The following MAS1 variants were observed in gnomAD, a reference collection of about 807,000 sequenced individuals.
MAS1 encodes the protein proto-oncogene Mas.
For synonymous variants in MAS1, 163 were observed against 164.2 expected (o/e 0.99, Z 0.05); for missense variants, 387 against 409.7 (o/e 0.94, Z 0.48).
chr6:159,903,094 T>G (rs1215837850), intron 2 of MAS1, among the ~76,000 whole-genome samples: 1 of 151,962 alleles, frequency 6.6e-6, no homozygotes, highest in Non-Finnish European at 1.5e-5. Flanking sequence ...AGCCCCCACC[T>G]CCTCCTTCCC....
intron 1 of MAS1, among the ~76,000 whole-genome samples, chr6:159,897,490 A>G (rs1782767445): frequency 6.6e-6 from 1 of 152,134 alleles, no homozygotes; most frequent in South Asian, 2.1e-4. Flanking sequence ...CCTAAACCAT[A>G]ATTTTGAATC....
At chr6:159,897,808 C>A (rs1250625147) in intron 1 of MAS1, among the ~76,000 whole-genome samples, 1 of 151,794 alleles carries the variant, frequency 6.6e-6, no homozygotes, top group East Asian at 1.9e-4. Context: ...GTGGTTTGAT[C>A]AGTCCCTGCG....
rs1782910980 is a variant in MAS1 at position 159,907,660 on chromosome 6, T to C, written c.705T>C (p.Ile235=). ...KLYIVIMVTI[I]IFLIFAMPMR... ...ACATAGTCATCATGGTCACCATCAT[T>C]ATATTCCTCATCTTCGCTATGCCCA... is the stretch of plus-strand genomic sequence containing the variant. Residue 235 remains isoleucine, a synonymous_variant, in exon 3 of 3, where the codon ATT becomes ATC. Coordinates refer to ENST00000674077, the MANE Select transcript of MAS1 (RefSeq NM_002377.4). 4 of 1,613,846 alleles carry C rather than the reference T, an allele frequency of 2.5e-6. No individual in the cohort carries two copies. The highest frequency in any genetic ancestry group is 3.4e-6 in the Non-Finnish European group (4 of 1,179,982).
rs151196309 is a variant in MAS1 at position 159,901,316 on chromosome 6, A to G, written c.-37+1924A>G. Among the ~76,000 whole-genome samples, 94 of 152,326 alleles carry G rather than the reference A, an allele frequency of 6.2e-4. 2 individuals carry two copies. In the East Asian group the frequency reaches 0.015, roughly 24 times the overall value. Reference sequence around the variant, plus strand: ...CCGTCCACAACAGTCAATAAGATAGAATTTTAACTCTGAGGCCAGGCACAG... The same window carrying G: ...CCGTCCACAACAGTCAATAAGATAGGATTTTAACTCTGAGGCCAGGCACAG... On this transcript the variant is annotated intron_variant, in intron 2 of 2. Transcript: ENST00000674077.
At position 159,916,285 on chromosome 6, in the gene MAS1, A is replaced by G. The variant is rs1783021926; in HGVS notation, c.*8352A>G. 6.6e-6 allele frequency: 1 copy of G among 152,200 alleles called. No homozygotes were observed. The highest frequency in any genetic ancestry group is 2.1e-4 in the South Asian group (1 of 4,820). The allele number at this position is 152,200 out of a possible 1,614,324, so 9.4% of individuals were successfully genotyped here. A position where few individuals can be genotyped will look rare whatever the true frequency, so the allele number is the denominator to read the frequency against. On this transcript the variant is annotated 3_prime_UTR_variant, in exon 3 of 3. Coordinates refer to ENST00000674077, the MANE Select transcript of MAS1 (RefSeq NM_002377.4). Reference sequence around the variant, plus strand: ...ATGATTCCACTCATATGAGGGGCTTAGAGTTGTCAGATTCATAGAGACAGA... The same window carrying G: ...ATGATTCCACTCATATGAGGGGCTTGGAGTTGTCAGATTCATAGAGACAGA...
upstream of MAS1, among the ~76,000 whole-genome samples, chr6:159,890,443 C>G (rs1055377639): frequency 8.5e-5 from 13 of 152,152 alleles, no homozygotes; most frequent in African/African-American, 2.9e-4. Flanking sequence ...CCCCTGAACA[C>G]ACTCCTTGGC....
intron 2 of MAS1, among the ~76,000 whole-genome samples, chr6:159,903,525 C>G (rs544041328): frequency 6.6e-6 from 1 of 152,198 alleles, no homozygotes; most frequent in East Asian, 1.9e-4. Context: ...TATTTCACAT[C>G]GTGCCCTCTC....
intron 1 of MAS1, among the ~76,000 whole-genome samples, chr6:159,891,546 A>C (rs916471240): frequency 6.6e-6 from 1 of 152,210 alleles, no homozygotes; most frequent in Non-Finnish European, 1.5e-5. Flanking sequence ...TTGTTACTGA[A>C]TTTGATTCCT....
rs371451981 is a variant in MAS1, at chr6:159,894,595, C to T, written c.-244+3462C>T. Among the ~76,000 whole-genome samples the T allele has an allele frequency of 1.4e-4, 22 of 152,070 alleles. No individual in the cohort carries two copies. In the South Asian group the frequency reaches 1.9e-3, roughly 13 times the overall value. On this transcript the variant is annotated intron_variant, in intron 1 of 2. Coordinates refer to ENST00000674077, the MANE Select transcript of MAS1 (RefSeq NM_002377.4). ...ATCTCGGAGACAAGAGGCGAGGAGA[C>T]GTGAAGTGGGGTTCCATAGCAACAT... is the stretch of plus-strand genomic sequence containing the variant.
chr6:159,892,669 C>A (rs539368479), intron 1 of MAS1, among the ~76,000 whole-genome samples: 2 of 152,230 alleles, frequency 1.3e-5, no homozygotes, highest in Admixed American at 1.3e-4. Flanking sequence ...GCTCCACCAC[C>A]CATCTGTTCC....
upstream of MAS1, among the ~76,000 whole-genome samples, chr6:159,890,891 G>A (rs191401171): frequency 6.6e-6 from 1 of 152,348 alleles, no homozygotes; most frequent in Admixed American, 6.5e-5. Context: ...TCACTTGAGT[G>A]TGTCACTGAA....
intron 1 of MAS1, among the ~76,000 whole-genome samples, chr6:159,891,658 T>C (rs2115105032): frequency 6.6e-6 from 1 of 152,340 alleles, no homozygotes; most frequent in Non-Finnish European, 1.5e-5. Context: ...AGTATTAGCT[T>C]CTGTTGCTTA....
chr6:159,906,181 G>A (rs1782884842), intron 2 of MAS1, among the ~76,000 whole-genome samples: 1 of 152,124 alleles, frequency 6.6e-6, no homozygotes, highest in Non-Finnish European at 1.5e-5. Flanking sequence ...CTGGCATCTG[G>A]CGATGGTGTT....
At chr6:159,898,873 G>C (rs1487875065) in intron 1 of MAS1, among the ~76,000 whole-genome samples, 1 of 151,846 alleles carries the variant, frequency 6.6e-6, no homozygotes, top group Non-Finnish European at 1.5e-5. Flanking sequence ...CTGGATTTCT[G>C]CCTGGCCAGC....
chr6:159,906,533 C>G lies in MAS1; in HGVS notation c.-36-387C>G, dbSNP rs373399029. ...TCCCTCAGGCAAATGAATGGAGGCACAGAAGATGAAATGATTTTCAAAATG... is the reference window on the plus strand; with the variant it reads ...TCCCTCAGGCAAATGAATGGAGGCAGAGAAGATGAAATGATTTTCAAAATG... On this transcript the variant is annotated intron_variant, in intron 2 of 2. Coordinates refer to ENST00000674077, the MANE Select transcript of MAS1 (RefSeq NM_002377.4). Among the ~76,000 whole-genome samples, 5 of 152,274 alleles carry G rather than the reference C, an allele frequency of 3.3e-5. No homozygotes were observed. In the East Asian group the frequency reaches 7.7e-4, roughly 23 times the overall value.
intron 2 of MAS1, among the ~76,000 whole-genome samples, chr6:159,900,788 G>A (rs1782812831): frequency 6.6e-6 from 1 of 152,088 alleles, no homozygotes; most frequent in South Asian, 2.1e-4. Context: ...CTGTTATAAT[G>A]GGCTTTATTT....
At chr6:159,891,525 G>T (rs1782698981) in intron 1 of MAS1, among the ~76,000 whole-genome samples, 2 of 152,226 alleles carry the variant, frequency 1.3e-5, no homozygotes, top group South Asian at 4.1e-4. Flanking sequence ...AGAAGTTGAG[G>T]TTTGAAAGAG....
intron 2 of MAS1, among the ~76,000 whole-genome samples, chr6:159,899,801 A>C (rs1193631358): frequency 1.3e-5 from 2 of 152,160 alleles, no homozygotes; most frequent in Non-Finnish European, 2.9e-5. Context: ...TAATCCCAGC[A>C]CTTTGGGAGG....
chr6:159,903,870 T>C (rs1782851385), intron 2 of MAS1, among the ~76,000 whole-genome samples: 1 of 152,210 alleles, frequency 6.6e-6, no homozygotes, highest in Non-Finnish European at 1.5e-5. Flanking sequence ...TGTCTTCACC[T>C]GTTCTCCTCC....
Sources: allele counts gnomAD v4.1 joint callset (sites outside exome capture counted in the v4.1 genomes callset), GRCh38; gene constraint gnomAD v4.1.1; transcripts MANE v1.5; gene names NCBI Gene and HGNC (gene_info 2026-07-23, HGNC 2026-07-21).